Variants in CFAP77 observed in about 807,000 individuals in gnomAD.
The protein encoded by CFAP77 is cilia and flagella associated protein 77.
CFAP77 carries 25 observed loss-of-function variants against 31.1 expected under a neutral mutation model. The ratio of observed to expected loss-of-function variants is 0.80; its 90% CI spans 0.59 to 1.12. The LOEUF (loss-of-function observed/expected upper bound fraction) is 1.12, where lower values mean the gene tolerates loss of function less well. CFAP77 is among the 50% of genes most tolerant of loss of function. The probability of loss-of-function intolerance (pLI) is 0.00; values close to 1 mark genes in which losing one functional copy is unlikely to be tolerated. For synonymous variants in CFAP77, 151 were observed against 159.9 expected (o/e 0.94, Z 0.42); for missense variants, 377 against 397.3 (o/e 0.95, Z 0.44).
intron 3 of CFAP77, among the ~76,000 whole-genome samples, chr9:132,516,953 C>G (rs755713005): frequency 3.9e-5 from 6 of 152,190 alleles, no homozygotes; most frequent in African/African-American, 1.4e-4. Context: ...CGGACAGCCA[C>G]GTCATTCAGG....
intron 3 of CFAP77, among the ~76,000 whole-genome samples, chr9:132,508,458 G>A (rs186422602): frequency 1.2e-4 from 18 of 152,284 alleles, no homozygotes; most frequent in African/African-American, 4.1e-4. Flanking sequence ...GGGCGGGAGA[G>A]GGGGAGGGTG....
intron 3 of CFAP77, among the ~76,000 whole-genome samples, chr9:132,500,923 C>A (rs1477367416): frequency 6.6e-6 from 1 of 152,262 alleles, no homozygotes; most frequent in East Asian, 1.9e-4. Context: ...CCAGTCAACA[C>A]CCCATCTTCT....
intron 1 of CFAP77, among the ~76,000 whole-genome samples, chr9:132,474,590 A>G (rs76663632): frequency 0.011 from 1,662 of 152,140 alleles, 43 homozygotes; most frequent in Admixed American, 0.055. Context: ...CAGGGGGGGA[A>G]TGCACAGATG....
chr9:132,536,566 G>A (rs1227646365), intron 3 of CFAP77, among the ~76,000 whole-genome samples: 1 of 152,026 alleles, frequency 6.6e-6, no homozygotes, highest in Non-Finnish European at 1.5e-5. Flanking sequence ...GCTAATGTTT[G>A]TATTTTTAGT....
At chr9:132,482,762 T>C (rs1159906798) in intron 1 of CFAP77, among the ~76,000 whole-genome samples, 2 of 115,332 alleles carry the variant, frequency 1.7e-5, no homozygotes, top group East Asian at 5.1e-4. Flanking sequence ...TAAGAACACA[T>C]GGACACAGGA....
rs1263457244 is a variant in CFAP77, at chr9:132,498,086, C to G, written c.196-609C>G. Among the ~76,000 whole-genome samples, 2 of 152,056 alleles carry G rather than the reference C, an allele frequency of 1.3e-5. No individual in the cohort carries two copies. The highest frequency in any genetic ancestry group is 4.8e-5 in the African/African-American group (2 of 41,384). On this transcript the variant is annotated intron_variant, in intron 1 of 5. Transcript: ENST00000393216. This position sits in a 1 kb window ranked among gnomAD's most constrained non-coding sequence, Gnocchi z 4.2. ...GTTGATGACAGGGCAATTTCATTTG[C>G]ACAAACCACCTCTGAGAGGCCAAGG...
chr9:132,434,911 A>G (rs1850476861), intron 1 of CFAP77, among the ~76,000 whole-genome samples: 1 of 152,108 alleles, frequency 6.6e-6, no homozygotes, highest in Non-Finnish European at 1.5e-5. Context: ...CAAAAGCGAA[A>G]AGGAAGGAAC....
chr9:132,542,834 C>T (rs1310938937), intron 4 of CFAP77, 112 bp from the exon 5 acceptor site: 11 of 780,314 alleles, frequency 1.4e-5, no homozygotes, highest in Non-Finnish European at 1.7e-5. Context: ...GGAAAGTGAC[C>T]GAGGATCTTG....
chr9:132,566,014 C>T (rs918860573), intron 5 of CFAP77, among the ~76,000 whole-genome samples: 4 of 152,366 alleles, frequency 2.6e-5, no homozygotes, highest in African/African-American at 7.2e-5. Flanking sequence ...CAGGCAGAGA[C>T]AGACCGCAGA....
intron 3 of CFAP77, among the ~76,000 whole-genome samples, chr9:132,533,619 C>T (rs145769381): frequency 0.018 from 2,807 of 152,272 alleles, 95 homozygotes; most frequent in African/African-American, 0.064. Context: ...CAGTGGCTCA[C>T]GCTTGTAATC....
intron 1 of CFAP77, among the ~76,000 whole-genome samples, chr9:132,411,962 A>G (rs1296853564): frequency 6.6e-6 from 1 of 152,224 alleles, no homozygotes; most frequent in East Asian, 1.9e-4. Context: ...ACATGTATGC[A>G]TATGTATAAT....
chr9:132,469,331 A>G (rs898653578), intron 1 of CFAP77, among the ~76,000 whole-genome samples: 2 of 152,232 alleles, frequency 1.3e-5, no homozygotes, highest in African/African-American at 4.8e-5. Flanking sequence ...GGTGTTAGCA[A>G]GGCTTATAAG....
chr9:132,422,892 C>A (rs1278210910), intron 1 of CFAP77, among the ~76,000 whole-genome samples: 1 of 152,248 alleles, frequency 6.6e-6, no homozygotes, highest in East Asian at 1.9e-4. Flanking sequence ...GGTCCCCAAC[C>A]AGGCTGGGCA....
rs573196440 is a variant in CFAP77, at chr9:132,495,984, C to T, written c.196-2711C>T. On this transcript the variant is annotated intron_variant, in intron 1 of 5. Transcript: ENST00000393216. The surrounding 1 kb of genome is among the most constrained non-coding windows in gnomAD (Gnocchi z 4.2). Reference sequence around the variant, plus strand: ...AAATAAATGTCTATTGTTGAAGCCACCCAGTCAATGATAATTTGCTATGGC... The same window carrying T: ...AAATAAATGTCTATTGTTGAAGCCATCCAGTCAATGATAATTTGCTATGGC... Among the ~76,000 whole-genome samples the T allele has an allele frequency of 6.6e-6, 1 of 152,280 alleles. No homozygotes were observed. Among genetic ancestry groups the T allele is most frequent in the African/African-American group, 2.4e-5 (1 of 41,542 alleles).
chr9:132,505,195 C>T (rs574967351), intron 3 of CFAP77, among the ~76,000 whole-genome samples: 309 of 152,318 alleles, frequency 2.0e-3, no homozygotes, highest in Non-Finnish European at 3.6e-3. Context: ...CCACAGCCAG[C>T]CCCCCAACCC....
rs773800286 is a variant in CFAP77, at chr9:132,463,516, C to T, written c.196-35179C>T. On this transcript the variant is annotated intron_variant, in intron 1 of 5. Transcript: ENST00000393216. ...GGCCACCCCCACCTGGATACCTGAA[C>T]GAAGTGGTCTTTCCTCAGGTGTCCA... Among the ~76,000 whole-genome samples the T allele has an allele frequency of 2.0e-5, 3 of 151,930 alleles. No homozygotes were observed. In the South Asian group the frequency reaches 6.2e-4, roughly 32 times the overall value.
chr9:132,482,437 A>C (rs776916415), intron 1 of CFAP77: 1 of 1,589,286 alleles, frequency 6.3e-7, no homozygotes, highest in South Asian at 1.1e-5. Context: ...CCTTCTGCTA[A>C]AATAATGTCA....
rs561974 is a variant in CFAP77 at position 132,497,102 on chromosome 9, A to G, written c.196-1593A>G. Among the ~76,000 whole-genome samples, 83,851 of 150,828 alleles carry G rather than the reference A, an allele frequency of 0.56. 26,088 individuals carry two copies. The highest frequency in any genetic ancestry group is 0.85 in the African/African-American group (34,771 of 41,006). On this transcript the variant is annotated intron_variant, in intron 1 of 5. Coordinates refer to ENST00000393216, the MANE Select transcript of CFAP77 (RefSeq NM_001282957.2). The surrounding 1 kb of genome is among the most constrained non-coding windows in gnomAD (Gnocchi z 4.9). Reference sequence around the variant, plus strand: ...AATGGAGGTGGCTGGGATGCCTGCGATCCTTCAGATGAGGGGGAGTGGGTT... The same window carrying G: ...AATGGAGGTGGCTGGGATGCCTGCGGTCCTTCAGATGAGGGGGAGTGGGTT...
At chr9:132,463,481 C>T (rs1463598719) in intron 1 of CFAP77, among the ~76,000 whole-genome samples, 1 of 152,176 alleles carries the variant, frequency 6.6e-6, no homozygotes, top group Non-Finnish European at 1.5e-5. Context: ...CGGAAGCTTG[C>T]TGTCCCCTGG....
Sources: allele counts gnomAD v4.1 joint callset (sites outside exome capture counted in the v4.1 genomes callset), GRCh38; gene constraint gnomAD v4.1.1; non-coding constraint Gnocchi (gnomAD v3.1); transcripts MANE v1.5; gene names NCBI Gene and HGNC (gene_info 2026-07-23, HGNC 2026-07-21).